Variants in MUC17 observed in about 807,000 individuals in gnomAD.
MUC17 encodes mucin-17.
MUC17 carries 190 observed loss-of-function variants against 170.3 expected under a neutral mutation model. The ratio of observed to expected loss-of-function variants is 1.12; its 90% CI spans 0.99 to 1.26. MUC17 has a LOEUF of 1.26. MUC17 is among the 50% of genes most tolerant of loss of function. The pLI, the probability that MUC17 is intolerant of heterozygous loss-of-function variation, is 0.00. For missense variants in MUC17, 6,415 were observed against 5,530.0 expected, an observed-to-expected ratio of 1.16 and a Z score of -5.08; for synonymous variants, 2,325 against 2,002.5, an observed-to-expected ratio of 1.16 and a Z score of -4.30.
In MUC17 at chr7:101,033,956, C is replaced by T. The variant is rs1447191309; in HGVS notation, c.2540C>T (p.Pro847Leu). The T allele has an allele frequency of 5.0e-6, 8 of 1,613,028 alleles. No individual in the cohort carries two copies. Among genetic ancestry groups the T allele is most frequent in the African/African-American group, 1.3e-5 (1 of 74,830 alleles). ...ACTTCTACTGAAGTCAGTTCATCTC[C>T]TACACCTGCTGAAGGTACCAGCATG... Reference protein sequence around the residue: ...VTTSTEVSSSPTPAEGTSMPT... With the variant: ...VTTSTEVSSSLTPAEGTSMPT... The change falls in exon 3 of 13, where the codon CCT becomes CTT. Residue 847 changes from proline (P) to leucine (L), a missense_variant. By Grantham distance (98) the Pro-to-Leu change is moderately conservative (BLOSUM62 -3). Coordinates refer to ENST00000306151, the MANE Select transcript of MUC17 (RefSeq NM_001040105.2).
At position 101,037,209 on chromosome 7, in the gene MUC17, A is replaced by T. The variant is rs199605653; in HGVS notation, c.5793A>T (p.Ile1931=). ...PREGRPPLTS[I]PVSTTTVASS... ...AAGGAAGGCCTCCATTAACAAGTAT[A>T]CCTGTCAGCACCACAACAGTGGCCA... Residue 1931 remains isoleucine (I), a synonymous_variant, in exon 3 of 13, where the codon ATA becomes ATT. Coordinates refer to ENST00000306151, the MANE Select transcript of MUC17 (RefSeq NM_001040105.2). The T allele has an allele frequency of 6.3e-7, 1 of 1,583,206 alleles. No individual in the cohort carries two copies. The highest frequency in any genetic ancestry group is 1.5e-5 in the African/African-American group (1 of 66,218).
Position 101,033,518 on chromosome 7 carries a change from C to G in MUC17, c.2102C>G (p.Ala701Gly). 6.2e-7 allele frequency: 1 copy of G among 1,613,802 alleles called. No individual in the cohort carries two copies. The highest frequency in any genetic ancestry group is 1.1e-5 in the South Asian group (1 of 91,038). ...TSMPVNTTLV[A>G]SSEASTLSTT... ...ATGCCTGTCAACACCACACTGGTGG[C>G]CAGTTCTGAGGCTAGCACCCTTTCA... Residue 701 changes from alanine (A) to glycine (G), a missense_variant, in exon 3 of 13, where the codon GCC becomes GGC. Physicochemically the swap from Ala to Gly is moderately conservative, Grantham distance 60. Transcript: ENST00000306151.
In MUC17 at chr7:101,039,956, C is replaced by A; in HGVS notation, c.8540C>A (p.Ala2847Asp). Residue 2847 changes from alanine to aspartate, a missense_variant, in exon 3 of 13, where the codon GCC (alanine) becomes GAC (aspartate). Physicochemically the swap from Ala to Asp is moderately radical, Grantham distance 126 (BLOSUM62 -2). Coordinates refer to ENST00000306151, the MANE Select transcript of MUC17 (RefSeq NM_001040105.2). ...ACACCTGTGACCACTTCTACTAAAG[C>A]CAGTTCATCTCCTACAACTGCTGAA... ...TSTPVTTSTK[A>D]SSSPTTAEGI... The A allele has an allele frequency of 6.2e-7, 1 of 1,613,048 alleles. No individual in the cohort carries two copies. Among genetic ancestry groups the A allele is most frequent in the Non-Finnish European group, 8.5e-7 (1 of 1,179,702 alleles).
rs1794712260 is a variant in MUC17, at chr7:101,041,762, C to A, written c.10346C>A (p.Pro3449Gln). ...ACAATCGCTGAAGGTACCAGCTTGCCAACCTCAACTACTAGTGAAGGAAGC... is the reference window on the plus strand; with the variant it reads ...ACAATCGCTGAAGGTACCAGCTTGCAAACCTCAACTACTAGTGAAGGAAGC... Reference protein sequence around the residue: ...SPTIAEGTSLPTSTTSEGSTP... With the variant: ...SPTIAEGTSLQTSTTSEGSTP... The change falls in exon 3 of 13, where the codon CCA becomes CAA. Residue 3449 changes from proline (P) to glutamine (Q), a missense_variant. Pro to Gln is a moderately conservative substitution (Grantham distance 76). Transcript: ENST00000306151. 1 of 1,613,920 alleles carries A rather than the reference C, an allele frequency of 6.2e-7. No homozygotes were observed. Among genetic ancestry groups the A allele is most frequent in the Non-Finnish European group, 8.5e-7 (1 of 1,179,984 alleles).
chr7:101,040,592 C>G lies in MUC17; in HGVS notation c.9176C>G (p.Ala3059Gly). 1 of 1,612,090 alleles carries G rather than the reference C, an allele frequency of 6.2e-7. No individual in the cohort carries two copies. The highest frequency in any genetic ancestry group is 1.1e-5 in the South Asian group (1 of 90,856). ...ATACCTGTCAGCACCACGCCAGTGG[C>G]CATTCCTGAGGCTAGCACCCTTTCA... ...TSIPVSTTPV[A>G]IPEASTLSTT... Residue 3059 changes from alanine to glycine, a missense_variant, in exon 3 of 13, where the codon GCC becomes GGC. Coordinates refer to ENST00000306151, the MANE Select transcript of MUC17 (RefSeq NM_001040105.2).
At position 101,035,330 on chromosome 7, in the gene MUC17, C is replaced by A. The variant is rs763406863; in HGVS notation, c.3914C>A (p.Thr1305Asn). The change falls in exon 3 of 13, where the codon ACT (threonine) becomes AAT (asparagine). Residue 1305 changes from threonine (T) to asparagine (N), a missense_variant. Thr to Asn is a moderately conservative substitution (Grantham distance 65). Coordinates refer to ENST00000306151, the MANE Select transcript of MUC17 (RefSeq NM_001040105.2). ...ACCCTTTTAACAACTCCTGTTGACACTAAAGGTCCTGTGGTCACTTCTAAT... is the reference window on the plus strand; with the variant it reads ...ACCCTTTTAACAACTCCTGTTGACAATAAAGGTCCTGTGGTCACTTCTAAT... ...ASTLLTTPVD[T>N]KGPVVTSNEV... is the part of the protein sequence containing the mutation. The A allele has an allele frequency of 1.4e-5, 22 of 1,610,348 alleles. No individual in the cohort carries two copies. Among genetic ancestry groups the A allele is most frequent in the Middle Eastern group, 3.3e-4 (2 of 6,070 alleles).
chr7:101,038,141 C>T lies in MUC17; in HGVS notation c.6725C>T (p.Ala2242Val), dbSNP rs746410401. 1 of 1,613,690 alleles carries T rather than the reference C, an allele frequency of 6.2e-7. No homozygotes were observed. Among genetic ancestry groups the T allele is most frequent in the South Asian group, 1.1e-5 (1 of 91,068 alleles). Reference sequence around the variant, plus strand: ...ACTTCTGAGGCTAGCACCCTTTCAGCAACTCCTGTTGACACCAGCACACCT... The same window carrying T: ...ACTTCTGAGGCTAGCACCCTTTCAGTAACTCCTGTTGACACCAGCACACCT... ...VVTSEASTLSATPVDTSTPVT... is the reference protein window; with the variant it reads ...VVTSEASTLSVTPVDTSTPVT... Residue 2242 changes from alanine to valine, a missense_variant, in exon 3 of 13, where the codon GCA (alanine) becomes GTA (valine). Ala to Val is a moderately conservative substitution (Grantham distance 64, BLOSUM62 0). Transcript: ENST00000306151.
chr7:101,022,162 G>T (rs1314553385), intron 1 of MUC17, among the ~76,000 whole-genome samples: 16 of 140,438 alleles, frequency 1.1e-4, no homozygotes, highest in Admixed American at 9.4e-4. Context: ...CCTCCCGAGA[G>T]ATTTTTTTTT....
At position 101,027,564 on chromosome 7, in the gene MUC17, A is replaced by G. The variant is rs367945458; in HGVS notation, c.83-3556A>G. ...CATTTTAACATCTGTAGAATCTGAG[A>G]GCCCTGGTAGTTTTCTTCATGTGTC... On this transcript the variant is annotated intron_variant, in intron 1 of 12. Coordinates refer to ENST00000306151, the MANE Select transcript of MUC17 (RefSeq NM_001040105.2). Among the ~76,000 whole-genome samples the G allele has an allele frequency of 2.0e-5, 3 of 152,256 alleles. No homozygotes were observed. In the East Asian group the frequency reaches 5.8e-4, roughly 29 times the overall value.
chr7:101,034,486 C>A lies in MUC17; in HGVS notation c.3070C>A (p.Pro1024Thr). The change falls in exon 3 of 13, where the codon CCT (proline) becomes ACT (threonine). Residue 1024 changes from proline to threonine, a missense_variant. Pro to Thr is a conservative substitution (Grantham distance 38). Transcript: ENST00000306151. ...CACTTCTACTGAAGCCAGTTCACCT[C>A]CTCCCACTGCTGAAGGTACCAGCAT... The part of the protein sequence containing the change: ...LTTSTEASSP[P>T]PTAEGTSMPT... The A allele has an allele frequency of 6.2e-7, 1 of 1,613,984 alleles. No homozygotes were observed. Among genetic ancestry groups the A allele is most frequent in the East Asian group, 2.2e-5 (1 of 44,848 alleles).
Position 101,039,473 on chromosome 7 carries a change from C to G in MUC17, c.8057C>G (p.Thr2686Ser). The G allele has an allele frequency of 6.2e-7, 1 of 1,611,586 alleles. No homozygotes were observed. Among genetic ancestry groups the G allele is most frequent in the South Asian group, 1.1e-5 (1 of 90,746 alleles). ...TAEGSSMPTS[T>S]PGERSTPLTN... is the part of the protein sequence containing the mutation. ...GAAGGTAGCAGCATGCCAACCTCAA[C>G]TCCTGGTGAAAGAAGCACTCCATTA... The change falls in exon 3 of 13, where the codon ACT becomes AGT. Residue 2686 changes from threonine to serine, a missense_variant. Coordinates refer to ENST00000306151, the MANE Select transcript of MUC17 (RefSeq NM_001040105.2).
rs1794304587 is a variant in MUC17 at position 101,032,258 on chromosome 7, C to T, written c.842C>T (p.Pro281Leu). ...GGAAGCACTCCATTAACAAGAATGC[C>T]TCTCAGCGTGATGCTGGTGGTCAGT... is the stretch of plus-strand genomic sequence containing the variant. ...SGGSTPLTRM[P>L]LSVMLVVSSE... The change falls in exon 3 of 13, where the codon CCT becomes CTT. Residue 281 changes from proline (P) to leucine (L), a missense_variant. Physicochemically the swap from Pro to Leu is moderately conservative, Grantham distance 98. Transcript: ENST00000306151. The T allele has an allele frequency of 6.2e-7, 1 of 1,613,918 alleles. No homozygotes were observed. Among genetic ancestry groups the T allele is most frequent in the Non-Finnish European group, 8.5e-7 (1 of 1,179,868 alleles).
intron 1 of MUC17, 50 bp downstream of exon 1, chr7:101,020,267 C>T: frequency 6.6e-7 from 1 of 1,512,006 alleles, no homozygotes; most frequent in Non-Finnish European, 9.0e-7. Flanking sequence ...TCCCAGGGGC[C>T]AGCCTGCTCT....
intron 12 of MUC17, among the ~76,000 whole-genome samples, chr7:101,057,767 C>G (rs574882449): frequency 2.6e-5 from 4 of 152,052 alleles, no homozygotes; most frequent in Admixed American, 6.6e-5. Flanking sequence ...GTAGTCCTAG[C>G]TACTTGGGAG....
At position 101,041,742 on chromosome 7, in the gene MUC17, C is replaced by T. The variant is rs767581370; in HGVS notation, c.10326C>T (p.Ile3442=). The change falls in exon 3 of 13, where the codon ATC becomes ATT. Residue 3442 remains isoleucine, a synonymous_variant. Transcript: ENST00000306151. The part of the protein sequence containing the change: ...TSTEASSSPT[I]AEGTSLPTST... Reference sequence around the variant, plus strand: ...CTGAAGCCAGTTCATCTCCTACAATCGCTGAAGGTACCAGCTTGCCAACCT... The same window carrying T: ...CTGAAGCCAGTTCATCTCCTACAATTGCTGAAGGTACCAGCTTGCCAACCT... 16 of 1,610,808 alleles carry T rather than the reference C, an allele frequency of 9.9e-6. 1 individual carries two copies. In the African/African-American group the frequency reaches 1.4e-4, roughly 14 times the overall value.
chr7:101,021,855 G>A (rs561001858), intron 1 of MUC17, among the ~76,000 whole-genome samples: 2 of 152,296 alleles, frequency 1.3e-5, no homozygotes, highest in South Asian at 2.1e-4. Flanking sequence ...AGGGCAGGGC[G>A]TGGGTCTAGA....
rs1188516747 is a variant in MUC17, at chr7:101,038,972, G to C, written c.7556G>C (p.Ser2519Thr). The change falls in exon 3 of 13, where the codon AGT (serine) becomes ACT (threonine). Residue 2519 changes from serine (S) to threonine (T), a missense_variant. By Grantham distance (58) the Ser-to-Thr change is moderately conservative. Transcript: ENST00000306151. The stretch of plus-strand genomic sequence containing the variant: ...AGTGAAGGAAGTACTCTATTAACAA[G>C]TATACCTGTCAGCACCACGCCAGTG... The part of the protein sequence containing the change: ...TASEGSTLLT[S>T]IPVSTTPVAS... 1 of 1,613,922 alleles carries C rather than the reference G, an allele frequency of 6.2e-7. No individual in the cohort carries two copies. Among genetic ancestry groups the C allele is most frequent in the Non-Finnish European group, 8.5e-7 (1 of 1,180,012 alleles).
At position 101,042,165 on chromosome 7, in the gene MUC17, C is replaced by G; in HGVS notation, c.10749C>G (p.Leu3583=). ...EGSSSLTTML[L]SSTYVTSSEA... ...GCTCTTCATTAACAACTATGCTCCTCAGCAGCACATATGTGACCAGTTCTG... is the reference window on the plus strand; with the variant it reads ...GCTCTTCATTAACAACTATGCTCCTGAGCAGCACATATGTGACCAGTTCTG... The change falls in exon 3 of 13, where the codon CTC becomes CTG. Residue 3583 remains leucine, a synonymous_variant. Coordinates refer to ENST00000306151, the MANE Select transcript of MUC17 (RefSeq NM_001040105.2). 1.2e-6 allele frequency: 2 copies of G among 1,614,226 alleles called. No homozygotes were observed. Among genetic ancestry groups the G allele is most frequent in the South Asian group, 1.1e-5 (1 of 91,080 alleles).
Position 101,036,858 on chromosome 7 carries a change from T to C in MUC17, c.5442T>C (p.Pro1814=), listed in dbSNP as rs138130130. Residue 1814 remains proline, a synonymous_variant, in exon 3 of 13, where the codon CCT becomes CCC. Transcript: ENST00000306151. ...SEGMTPLTST[P]VSHTLVANSE... is the part of the protein sequence containing the mutation. ...GAATGACTCCATTAACAAGCACACC[T>C]GTCAGCCACACGCTGGTGGCCAATT... 1.6e-3 allele frequency: 2,517 copies of C among 1,608,436 alleles called. 4 individuals carry two copies. Among genetic ancestry groups the C allele is most frequent in the Non-Finnish European group, 1.9e-3 (2,195 of 1,177,676 alleles).
Sources: gnomAD v4.1 joint callset for allele counts (sites outside exome capture counted in the v4.1 genomes callset) on GRCh38, gnomAD v4.1.1 for gene constraint, MANE v1.5 for transcripts, NCBI Gene and HGNC (gene_info 2026-07-23, HGNC 2026-07-21) for gene names.